The following SAMMSON variants were observed in gnomAD, a reference collection of about 807,000 sequenced individuals.
The protein encoded by SAMMSON is survival associated mitochondrial melanoma specific oncogenic non-coding RNA.
chr3:70,391,993 A>G (rs1041132126), downstream of SAMMSON, among the ~76,000 whole-genome samples: 6 of 152,264 alleles, frequency 3.9e-5, no homozygotes, highest in South Asian at 4.1e-4. Flanking sequence ...ATCTGTTTTT[A>G]TGGTGAGACA....
At chr3:70,189,529 G>A (rs1701115959) in intron 4 of SAMMSON, among the ~76,000 whole-genome samples, 1 of 152,086 alleles carries the variant, frequency 6.6e-6, no homozygotes, top group East Asian at 1.9e-4. Flanking sequence ...AGTCAGATGG[G>A]TTTTGCACTT....
intron 6 of SAMMSON, among the ~76,000 whole-genome samples, chr3:70,260,437 G>T (rs756745162): frequency 3.9e-5 from 6 of 151,930 alleles, no homozygotes; most frequent in Non-Finnish European, 5.9e-5. Context: ...AGGTAATGGG[G>T]GTTAGTACCT....
At chr3:70,034,856 C>T (rs2067079598) in intron 3 of SAMMSON, among the ~76,000 whole-genome samples, 1 of 151,968 alleles carries the variant, frequency 6.6e-6, no homozygotes, top group Non-Finnish European at 1.5e-5. Context: ...AAAAAGGAAA[C>T]AAACAAAACC....
At chr3:70,412,347 T>C (rs1701226451) in intron 2 of SAMMSON, among the ~76,000 whole-genome samples, 1 of 152,192 alleles carries the variant, frequency 6.6e-6, no homozygotes, top group African/African-American at 2.4e-5. Context: ...GCATAGTACA[T>C]TTAACAAAAT....
intron 4 of SAMMSON, among the ~76,000 whole-genome samples, chr3:70,122,743 A>C (rs1208597494): frequency 6.6e-6 from 1 of 152,222 alleles, no homozygotes; most frequent in Non-Finnish European, 1.5e-5. Context: ...TTGAAAGATT[A>C]GTTTTCTAGG....
At chr3:70,240,451 A>G (rs1363984122) in intron 4 of SAMMSON, among the ~76,000 whole-genome samples, 1 of 152,138 alleles carries the variant, frequency 6.6e-6, no homozygotes, top group Non-Finnish European at 1.5e-5. Context: ...TTTTTGACAC[A>G]CTATTTTTTG....
intron 4 of SAMMSON, among the ~76,000 whole-genome samples, chr3:70,163,457 A>G (rs886099287): frequency 6.6e-5 from 10 of 151,588 alleles, no homozygotes; most frequent in African/African-American, 2.4e-4. Context: ...GCTTACTTTC[A>G]TTAGTATATA....
rs529211682 is a variant in SAMMSON, at chr3:70,270,355, G to C, written n.674+20685G>C. Among the ~76,000 whole-genome samples the C allele has an allele frequency of 7.2e-5, 11 of 152,188 alleles. No homozygotes were observed. The East Asian group carries it at 1.9e-3, about 27-fold the overall frequency. On this transcript the variant is annotated intron_variant and non_coding_transcript_variant, in intron 6 of 9. Transcript: ENST00000642114. ...AGATGTACAAAGAATATATAACCCT[G>C]ATCCCTAAACTAGTATTAAATTTTT...
chr3:70,395,147 C>G (rs1701080924), intron 2 of SAMMSON, among the ~76,000 whole-genome samples: 2 of 152,056 alleles, frequency 1.3e-5, no homozygotes, highest in Admixed American at 6.6e-5. Context: ...TTTTCAGGCC[C>G]ACCCTGGGGA....
intron 4 of SAMMSON, among the ~76,000 whole-genome samples, chr3:70,141,873 G>C (rs1222146957): frequency 2.6e-5 from 4 of 152,100 alleles, no homozygotes; most frequent in Non-Finnish European, 5.9e-5. Flanking sequence ...CCTTCCTAGT[G>C]CTATGTTGCC....
chr3:70,029,300 A>C (rs973351106), intron 3 of SAMMSON, among the ~76,000 whole-genome samples: 1 of 152,180 alleles, frequency 6.6e-6, no homozygotes, highest in African/African-American at 2.4e-5. Context: ...AGTCTTTTAA[A>C]CATACCATTA....
chr3:70,249,918 A>G (rs1701744702), intron 6 of SAMMSON, among the ~76,000 whole-genome samples: 1 of 152,196 alleles, frequency 6.6e-6, no homozygotes, highest in Admixed American at 6.6e-5. Context: ...TTCTGGCAAA[A>G]AAGGAACAGT....
intron 4 of SAMMSON, among the ~76,000 whole-genome samples, chr3:70,138,199 C>T (rs1013468953): frequency 3.3e-5 from 5 of 152,136 alleles, no homozygotes; most frequent in Non-Finnish European, 7.3e-5. Flanking sequence ...TTTTCATTGG[C>T]ACTTTAAAAT....
intron 4 of SAMMSON, among the ~76,000 whole-genome samples, chr3:70,139,938 C>T (rs2067521464): frequency 6.6e-6 from 1 of 152,070 alleles, no homozygotes; most frequent in Non-Finnish European, 1.5e-5. Context: ...TTGGTCACAC[C>T]CTTCATGTTC....
At chr3:70,288,013 C>T (rs1163631131) in intron 6 of SAMMSON, among the ~76,000 whole-genome samples, 1 of 151,940 alleles carries the variant, frequency 6.6e-6, no homozygotes, top group African/African-American at 2.4e-5. Context: ...AAACCAGCTC[C>T]TGGATTCATT....
At position 70,309,159 on chromosome 3, in the gene SAMMSON, G is replaced by A. The variant is rs140465468; in HGVS notation, n.739+17916G>A. On this transcript the variant is annotated intron_variant and non_coding_transcript_variant, in intron 7 of 9. Transcript: ENST00000642114. ...AGTCACTGTAATAAAATGGTTTAAT[G>A]AAATGAATAGAATTTGGACCTCAAA... 1.2e-4 allele frequency among the ~76,000 whole-genome samples: 18 copies of A among 152,224 alleles called. No individual in the cohort carries two copies. In the East Asian group the frequency reaches 2.5e-3, roughly 21 times the overall value.
chr3:70,113,797 C>T (rs771522655), intron 4 of SAMMSON, among the ~76,000 whole-genome samples: 10 of 152,160 alleles, frequency 6.6e-5, no homozygotes, highest in Admixed American at 1.3e-4. Context: ...TGAGGTCTTG[C>T]GGGTGGGACC....
At chr3:70,296,111 A>C (rs1575619041) in intron 7 of SAMMSON, among the ~76,000 whole-genome samples, 1 of 152,202 alleles carries the variant, frequency 6.6e-6, no homozygotes, top group Non-Finnish European at 1.5e-5. Flanking sequence ...AGTGGTAGGG[A>C]AAGGGTGAAA....
rs1253263020 is a variant in SAMMSON at position 70,203,954 on chromosome 3, C to T, written n.508-45153C>T. On this transcript the variant is annotated intron_variant and non_coding_transcript_variant, in intron 4 of 9. Transcript: ENST00000642114. ...TTTTATTCAGGAAAGGGACCACACACGATGAACCACAATTTAGTAATAAAG... is the reference window on the plus strand; with the variant it reads ...TTTTATTCAGGAAAGGGACCACACATGATGAACCACAATTTAGTAATAAAG... Among the ~76,000 whole-genome samples the T allele has an allele frequency of 3.9e-5, 6 of 152,166 alleles. No homozygotes were observed. The East Asian group carries it at 9.7e-4, about 25-fold the overall frequency.
Sources: allele counts gnomAD v4.1 joint callset (sites outside exome capture counted in the v4.1 genomes callset), GRCh38; gene constraint gnomAD v4.1.1; transcripts MANE v1.5; gene names NCBI Gene and HGNC (gene_info 2026-07-23, HGNC 2026-07-21).